The following DEFB123 variants were observed in gnomAD, a reference collection of about 807,000 sequenced individuals.
DEFB123 encodes the protein beta-defensin 123.
For missense variants in DEFB123, 71 were observed against 75.0 expected, an observed-to-expected ratio of 0.95 and a Z score of 0.20; for synonymous variants, 22 against 28.3, an observed-to-expected ratio of 0.78 and a Z score of 0.71.
chr20:31,441,456 C>T (rs561920261), intron 1 of DEFB123, among the ~76,000 whole-genome samples: 1 of 152,058 alleles, frequency 6.6e-6, no homozygotes, highest in Non-Finnish European at 1.5e-5. Context: ...CGGGAGAGAG[C>T]ATGGGAGTGT....
chr20:31,448,435 A>G (rs1010037435), intron 1 of DEFB123, among the ~76,000 whole-genome samples: 3 of 151,996 alleles, frequency 2.0e-5, no homozygotes, highest in African/African-American at 7.2e-5. Flanking sequence ...ATTACTTCAA[A>G]TACTTTTCCT....
At chr20:31,446,768 GCC>G (rs1979594473) in intron 1 of DEFB123, among the ~76,000 whole-genome samples, 1 of 152,038 alleles carries the variant, frequency 6.6e-6, no homozygotes. Context: ...ACCTCTCCCA[GCC>G]TTTGTGCTAT....
At chr20:31,446,351 T>C (rs1032994289) in intron 1 of DEFB123, among the ~76,000 whole-genome samples, 2 of 151,990 alleles carry the variant, frequency 1.3e-5, no homozygotes, top group African/African-American at 4.8e-5. Context: ...ATGAGGAGAG[T>C]TGTGGAATTT....
At chr20:31,442,181 A>T (rs1250851417) in intron 1 of DEFB123, among the ~76,000 whole-genome samples, 1 of 152,228 alleles carries the variant, frequency 6.6e-6, no homozygotes, top group Non-Finnish European at 1.5e-5. Flanking sequence ...TGAACTCAGC[A>T]GTTCAATATT....
intron 1 of DEFB123, among the ~76,000 whole-genome samples, chr20:31,445,537 T>C (rs999147731): frequency 1.6e-4 from 7 of 42,890 alleles, no homozygotes; most frequent in Non-Finnish European, 3.0e-4. Flanking sequence ...TGTGATCAAA[T>C]AATTTTTTTG....
intron 1 of DEFB123, among the ~76,000 whole-genome samples, chr20:31,443,593 T>C (rs1439250564): frequency 3.9e-5 from 6 of 152,200 alleles, no homozygotes; most frequent in Non-Finnish European, 8.8e-5. Flanking sequence ...CCCCTACCTT[T>C]CTCACATTAA....
intron 1 of DEFB123, among the ~76,000 whole-genome samples, chr20:31,444,556 T>C (rs1396472538): frequency 6.6e-6 from 1 of 152,204 alleles, no homozygotes; most frequent in Non-Finnish European, 1.5e-5. Context: ...TGTAAGTTAT[T>C]GCTCAGTAGG....
At chr20:31,448,618 C>T (rs1470275790) in intron 1 of DEFB123, among the ~76,000 whole-genome samples, 1 of 152,014 alleles carries the variant, frequency 6.6e-6, no homozygotes, top group East Asian at 1.9e-4. Context: ...ATCTTTTCTT[C>T]TTCAGTCTAA....
chr20:31,448,962 A>G (rs1979664904), intron 1 of DEFB123, among the ~76,000 whole-genome samples: 1 of 149,128 alleles, frequency 6.7e-6, no homozygotes, highest in Non-Finnish European at 1.5e-5. Flanking sequence ...TCCTGACCTC[A>G]GGTGATCCAC....
chr20:31,447,693 T>C (rs1473303996), intron 1 of DEFB123, among the ~76,000 whole-genome samples: 1 of 151,126 alleles, frequency 6.6e-6, no homozygotes. Context: ...CACAGCTCAC[T>C]GCAGCCTCGA....
intron 1 of DEFB123, among the ~76,000 whole-genome samples, chr20:31,443,686 G>T (rs6120286): frequency 6.6e-6 from 1 of 152,174 alleles, no homozygotes; most frequent in African/African-American, 2.4e-5. Context: ...CTAGCTTGTT[G>T]GTGGGTCCAC....
chr20:31,449,018 G>A (rs1389584842), intron 1 of DEFB123, among the ~76,000 whole-genome samples: 4 of 151,652 alleles, frequency 2.6e-5, no homozygotes, highest in Non-Finnish European at 5.9e-5. Context: ...TTGACCCATC[G>A]TGCCCGGCCA....
chr20:31,445,306 C>G (rs1162262204), intron 1 of DEFB123, among the ~76,000 whole-genome samples: 1 of 152,126 alleles, frequency 6.6e-6, no homozygotes, highest in Non-Finnish European at 1.5e-5. Flanking sequence ...ATGCTCAAAG[C>G]CTAGATCCAT....
chr20:31,450,213 C>T lies in DEFB123; in HGVS notation c.*39C>T. Reference sequence around the variant, plus strand: ...TGAAGCCATGAAAATGCAGATGAAGCTCCCAGTGGATTCCCACACTCTATC... The same window carrying T: ...TGAAGCCATGAAAATGCAGATGAAGTTCCCAGTGGATTCCCACACTCTATC... On this transcript the variant is annotated 3_prime_UTR_variant, in exon 2 of 2. Coordinates refer to ENST00000376309, the MANE Select transcript of DEFB123 (RefSeq NM_153324.4). 5 of 1,573,860 alleles carry T rather than the reference C, an allele frequency of 3.2e-6. No individual in the cohort carries two copies. The highest frequency in any genetic ancestry group is 4.3e-6 in the Non-Finnish European group (5 of 1,163,934).
At chr20:31,448,208 C>T (rs1979641396) in intron 1 of DEFB123, among the ~76,000 whole-genome samples, 1 of 152,160 alleles carries the variant, frequency 6.6e-6, no homozygotes, top group African/African-American at 2.4e-5. Context: ...AGCCACCACA[C>T]CCAGCCTCTT....
intron 1 of DEFB123, among the ~76,000 whole-genome samples, chr20:31,448,366 C>A (rs565573138): frequency 6.6e-6 from 1 of 151,824 alleles, no homozygotes; most frequent in South Asian, 2.1e-4. Flanking sequence ...TGTAGTTCAC[C>A]GAGGGTCATG....
At chr20:31,442,408 G>A (rs1403150386) in intron 1 of DEFB123, among the ~76,000 whole-genome samples, 4 of 152,150 alleles carry the variant, frequency 2.6e-5, no homozygotes, top group Non-Finnish European at 5.9e-5. Context: ...TGTGATGGGT[G>A]CTAGAGGTAG....
rs1979706613 is a variant in DEFB123 at position 31,450,237 on chromosome 20, T to C, written c.*63T>C. The stretch of plus-strand genomic sequence containing the variant: ...GCTCCCAGTGGATTCCCACACTCTA[T>C]CAATAAACACCTCTGGCTGATCCCT... On this transcript the variant is annotated 3_prime_UTR_variant, in exon 2 of 2. Coordinates refer to ENST00000376309, the MANE Select transcript of DEFB123 (RefSeq NM_153324.4). 1 of 1,530,620 alleles carries C rather than the reference T, an allele frequency of 6.5e-7. No homozygotes were observed. The highest frequency in any genetic ancestry group is 8.7e-7 in the Non-Finnish European group (1 of 1,144,326). 94.8% of individuals were successfully genotyped at this position (1,530,620 alleles called of 1,614,324 possible). A position where few individuals can be genotyped will look rare whatever the true frequency, so the allele number is the denominator to read the frequency against.
chr20:31,442,283 C>A (rs933706098), intron 1 of DEFB123, among the ~76,000 whole-genome samples: 2 of 152,204 alleles, frequency 1.3e-5, no homozygotes, highest in Non-Finnish European at 2.9e-5. Flanking sequence ...TTCCATCACC[C>A]TTTCTCTTTC....
Sources: gnomAD v4.1 joint callset for allele counts (sites outside exome capture counted in the v4.1 genomes callset) on GRCh38, gnomAD v4.1.1 for gene constraint, MANE v1.5 for transcripts, NCBI Gene and HGNC (gene_info 2026-07-23, HGNC 2026-07-21) for gene names.